Variants in UNC13C observed in about 807,000 individuals in gnomAD.
The protein encoded by UNC13C is protein unc-13 homolog C.
UNC13C carries 174 observed loss-of-function variants against 245.4 expected under a neutral mutation model. The observed-to-expected ratio is 0.71, with a 90% CI of 0.63 to 0.80. The LOEUF (loss-of-function observed/expected upper bound fraction) is 0.80, where lower values mean the gene tolerates loss of function less well. UNC13C is among the 30% of genes least tolerant of loss of function. The probability of loss-of-function intolerance (pLI) is 0.00; values close to 1 mark genes in which losing one functional copy is unlikely to be tolerated. For synonymous variants in UNC13C, 992 were observed against 895.1 expected, an observed-to-expected ratio of 1.11 and a Z score of -1.93; for missense variants, 2,829 against 2,602.9, an observed-to-expected ratio of 1.09 and a Z score of -1.89.
At chr15:53,854,547 A>G in the UNC13C span, among the ~76,000 whole-genome samples, 16 of 152,358 alleles carry the variant, frequency 1.1e-4, no homozygotes, top group African/African-American at 3.6e-4. Flanking sequence ...TATATTAAAT[A>G]GAGAATCCTT....
intron 27 of UNC13C, 72 bp from the exon 28 acceptor site, chr15:54,549,563 A>G: frequency 8.9e-7 from 1 of 1,123,402 alleles, no homozygotes; most frequent in Non-Finnish European, 1.3e-6. Flanking sequence ...TTATCTGTTG[A>G]CTGCATTTCT....
chr15:54,053,211 T>C (rs1897348166), intron 2 of UNC13C, among the ~76,000 whole-genome samples: 1 of 150,184 alleles, frequency 6.7e-6, no homozygotes, highest in African/African-American at 2.4e-5. Context: ...TTTTTATTTT[T>C]AGTAGACATC....
intron 4 of UNC13C, among the ~76,000 whole-genome samples, chr15:54,158,909 C>T (rs375502624): frequency 3.9e-5 from 6 of 152,154 alleles, no homozygotes; most frequent in African/African-American, 1.2e-4. Flanking sequence ...CGCCTGGCCC[C>T]GAAGTGCTGG....
At position 54,415,064 on chromosome 15, in the gene UNC13C, G is replaced by C; in HGVS notation, c.4930G>C (p.Glu1644Gln). 6.3e-7 allele frequency: 1 copy of C among 1,596,856 alleles called. No individual in the cohort carries two copies. Among genetic ancestry groups the C allele is most frequent in the South Asian group, 1.1e-5 (1 of 89,226 alleles). The change falls in exon 19 of 33, where the codon GAA becomes CAA. Residue 1644 changes from glutamate (E) to glutamine (Q), a missense_variant. Physicochemically the swap from Glu to Gln is conservative, Grantham distance 29. Transcript: ENST00000260323. The part of the protein sequence containing the change: ...LFALDMKYAL[E>Q]EHENQRLCKS... ...TGCTCTGGATATGAAATATGCATTAGAAGGTAATTATAAATATTTATACTT... is the reference window on the plus strand; with the variant it reads ...TGCTCTGGATATGAAATATGCATTACAAGGTAATTATAAATATTTATACTT...
chr15:54,215,678 CCAGAGTT>C (rs1350354017), intron 4 of UNC13C, among the ~76,000 whole-genome samples: 1 of 151,856 alleles, frequency 6.6e-6, no homozygotes, highest in Non-Finnish European at 1.5e-5. Context: ...GGGACTTTTA[CCAGAGTT>C]CATGAAGTGG....
chr15:54,576,552 A>G (rs1276163284), intron 30 of UNC13C, among the ~76,000 whole-genome samples: 1 of 152,190 alleles, frequency 6.6e-6, no homozygotes, highest in African/African-American at 2.4e-5. Flanking sequence ...AGTAGCCAGG[A>G]CACCTTTTAA....
chr15:54,284,627 GCACACA>G (rs71132799), intron 10 of UNC13C, among the ~76,000 whole-genome samples: 5 of 150,978 alleles, frequency 3.3e-5, no homozygotes, highest in East Asian at 2.0e-4. Flanking sequence ...GCACACTTGT[GCACACA>G]CACACACACA....
chr15:54,604,975 A>G (rs1260948680), intron 30 of UNC13C, among the ~76,000 whole-genome samples: 1 of 152,062 alleles, frequency 6.6e-6, no homozygotes, highest in Non-Finnish European at 1.5e-5. Flanking sequence ...ACTGGGGGAA[A>G]AAAACAGCTC....
At chr15:54,169,421 C>G (rs1012296621) in intron 4 of UNC13C, among the ~76,000 whole-genome samples, 1 of 152,104 alleles carries the variant, frequency 6.6e-6, no homozygotes, top group Non-Finnish European at 1.5e-5. Context: ...TAGTATTTTG[C>G]CCATTACTAA....
intron 29 of UNC13C, among the ~76,000 whole-genome samples, chr15:54,562,948 G>T (rs554673240): frequency 1.3e-5 from 2 of 152,038 alleles, no homozygotes; most frequent in East Asian, 3.9e-4. Context: ...GTTGATGCAT[G>T]GTCAGATTTC....
At chr15:53,931,862 G>A in the UNC13C span, among the ~76,000 whole-genome samples, 3 of 152,136 alleles carry the variant, frequency 2.0e-5, no homozygotes, top group Non-Finnish European at 4.4e-5. Context: ...GCTGTCAACG[G>A]TTCATATCGT....
Position 54,286,134 on chromosome 15 carries a change from G to T in UNC13C, c.3819-7761G>T, listed in dbSNP as rs184173432. Among the ~76,000 whole-genome samples, 547 of 152,250 alleles carry T rather than the reference G, an allele frequency of 3.6e-3. 5 individuals are homozygous for T. The highest frequency in any genetic ancestry group is 0.013 in the African/African-American group (527 of 41,558). On this transcript the variant is annotated intron_variant, in intron 10 of 32. Coordinates refer to ENST00000260323, the MANE Select transcript of UNC13C (RefSeq NM_001080534.3). ...GACCTCAAGTGATCTGTCCACTTCA[G>T]CCTCCCAAAGTGCTAGGATTACAGG...
intron 2 of UNC13C, among the ~76,000 whole-genome samples, chr15:54,139,747 G>T (rs1897071): frequency 0.63 from 95,673 of 151,870 alleles, 31,181 homozygotes; most frequent in African/African-American, 0.8. Context: ...CAATTATCTA[G>T]TAAGTCTAAA....
chr15:54,251,183 C>T (rs2414286), intron 8 of UNC13C, among the ~76,000 whole-genome samples: 4,211 of 152,172 alleles, frequency 0.028, 218 homozygotes, highest in African/African-American at 0.098. Flanking sequence ...ATTCTTTTTT[C>T]GAGCCTATCT....
intron 10 of UNC13C, among the ~76,000 whole-genome samples, chr15:54,287,959 A>G (rs1360721183): frequency 6.6e-6 from 1 of 152,198 alleles, no homozygotes; most frequent in Non-Finnish European, 1.5e-5. Context: ...CTTGAAGTCC[A>G]GGATCTTTCT....
intron 2 of UNC13C, among the ~76,000 whole-genome samples, chr15:54,089,222 C>T (rs981802249): frequency 4.6e-5 from 7 of 152,162 alleles, no homozygotes; most frequent in Admixed American, 2.6e-4. Context: ...TTGCTTGACT[C>T]TCATGAAAAC....
intron 4 of UNC13C, among the ~76,000 whole-genome samples, chr15:54,144,883 A>G (rs900726037): frequency 2.0e-5 from 3 of 152,124 alleles, no homozygotes; most frequent in Non-Finnish European, 4.4e-5. Flanking sequence ...TACACAGTTT[A>G]TATATTCATA....
At position 54,503,525 on chromosome 15, in the gene UNC13C, G is replaced by T. The variant is rs187552378; in HGVS notation, c.5301+2547G>T. The stretch of plus-strand genomic sequence containing the variant: ...CGCTCACTGCAACCTTCACCTCCCG[G>T]GTTCAAGTGATTCTCCTGCCTCAGC... On this transcript the variant is annotated intron_variant, in intron 22 of 32. Transcript: ENST00000260323. 2.9e-3 allele frequency among the ~76,000 whole-genome samples: 435 copies of T among 151,230 alleles called. 3 individuals carry two copies. The highest frequency in any genetic ancestry group is 0.01 in the African/African-American group (413 of 41,256).
the UNC13C span, among the ~76,000 whole-genome samples, chr15:53,947,037 C>G: frequency 2.6e-5 from 4 of 152,098 alleles, no homozygotes; most frequent in Non-Finnish European, 4.4e-5. Flanking sequence ...TGTAAGCAAA[C>G]AAATGAAACT....
Sources: allele counts gnomAD v4.1 joint callset (sites outside exome capture counted in the v4.1 genomes callset), GRCh38; gene constraint gnomAD v4.1.1; transcripts MANE v1.5; gene names NCBI Gene and HGNC (gene_info 2026-07-23, HGNC 2026-07-21).